AHCY: variants seen among roughly 807,000 people sequenced by gnomAD.
AHCY encodes S-adenosyl-L-homocysteine hydrolase.
In AHCY, 24 loss-of-function variants were observed where a neutral mutation model predicts 45.4. The observed-to-expected ratio is 0.53, with a 90% CI of 0.38 to 0.74. AHCY has a LOEUF of 0.74. Ranked by LOEUF, AHCY falls within the 30% of genes least tolerant of loss-of-function variation. AHCY has a pLI of 0.00. For missense variants in AHCY, 449 were observed against 594.1 expected, an observed-to-expected ratio of 0.76 and a Z score of 2.54; for synonymous variants, 245 against 235.1, an observed-to-expected ratio of 1.04 and a Z score of -0.39.
Position 34,285,482 on chromosome 20 carries a change from A to G in AHCY, c.1125T>C (p.His375=), listed in dbSNP as rs755147413. 6.2e-7 allele frequency: 1 copy of G among 1,614,070 alleles called. No homozygotes were observed. Among genetic ancestry groups the G allele is most frequent in the Admixed American group, 1.7e-5 (1 of 60,016 alleles). ...QVMAQIELWT[H]PDKYPVGVHF... ...GAACCCCAACGGGGTACTTGTCTGG[A>G]TGGGTCCACAGCTCGATCTGCGCCA... The change falls in exon 9 of 10, where the codon CAT becomes CAC. Residue 375 remains histidine (H), a synonymous_variant. Transcript: ENST00000217426.
the AHCY span, among the ~76,000 whole-genome samples, chr20:34,237,375 C>T: frequency 1.3e-5 from 2 of 152,172 alleles, no homozygotes; most frequent in Admixed American, 6.5e-5. Context: ...TCATTGTACA[C>T]ATCTTTCACC....
At chr20:34,257,076 TTTTTTTGTTTTTTG>T in the AHCY span, among the ~76,000 whole-genome samples, 6 of 151,108 alleles carry the variant, frequency 4.0e-5, no homozygotes, top group Non-Finnish European at 8.8e-5. Flanking sequence ...TTCTCTTTTT[TTTTTTTGTTTTTTG>T]TTTTTTGTTT....
the AHCY span, among the ~76,000 whole-genome samples, chr20:34,258,695 A>ATATATATATAT: frequency 2.6e-4 from 4 of 15,522 alleles, no homozygotes; most frequent in African/African-American, 4.2e-4. Context: ...ATATATACAT[A>ATATATATATAT]CTATATATAT....
In AHCY at chr20:34,303,226, C is replaced by A. The variant is rs202113068; in HGVS notation, c.28+17G>T. 134 of 1,551,328 alleles carry A rather than the reference C, an allele frequency of 8.6e-5. 2 individuals carry two copies. The East Asian group carries it at 2.5e-3, about 29-fold the overall frequency. The stretch of plus-strand genomic sequence containing the variant: ...GGTGCCGGGCGGCCGCAACCGGCTG[C>A]AGGTCCTGGGACTCACCGACTTTGT... On this transcript the variant is annotated intron_variant, in intron 1 of 9. Coordinates refer to ENST00000217426, the MANE Select transcript of AHCY (RefSeq NM_000687.4).
chr20:34,285,404 C>T (rs542200214), intron 9 of AHCY, 36 bp downstream of exon 9: 90 of 1,611,278 alleles, frequency 5.6e-5, no homozygotes, highest in Middle Eastern at 5.3e-4. Flanking sequence ...GGATTAGACA[C>T]GTGACCCTTG....
At chr20:34,235,650 A>G in the AHCY span, among the ~76,000 whole-genome samples, 1 of 151,690 alleles carries the variant, frequency 6.6e-6, no homozygotes, top group Admixed American at 6.6e-5. Flanking sequence ...TGGGCATGGT[A>G]GCGCATGCCT....
chr20:34,301,648 G>T, intron 1 of AHCY: 1 of 275,746 alleles, frequency 3.6e-6, no homozygotes, highest in Non-Finnish European at 5.5e-6. Context: ...CCCAAATCCA[G>T]CTTTATCTCC....
upstream of AHCY, among the ~76,000 whole-genome samples, chr20:34,306,099 GA>G (rs2036893670): frequency 8.3e-6 from 1 of 120,630 alleles, no homozygotes; most frequent in Non-Finnish European, 1.8e-5. Flanking sequence ...AAAAAAAAAA[GA>G]AAAAAAAAGA....
At chr20:34,258,685 A>ATATATATATATATATATATATATATATG in the AHCY span, among the ~76,000 whole-genome samples, 7 of 74,492 alleles carry the variant, frequency 9.4e-5, 1 homozygote, top group African/African-American at 6.1e-4. Context: ...ATATATATAT[A>ATATATATATATATATATATATATATATG]TATATACATA....
intron 9 of AHCY, among the ~76,000 whole-genome samples, chr20:34,283,327 C>T (rs73261430): frequency 5.0e-4 from 76 of 152,236 alleles, no homozygotes; most frequent in African/African-American, 1.8e-3. Context: ...CTGACTTTCC[C>T]CATTCGCAGG....
chr20:34,233,143 C>CTTTTTTTTTT, the AHCY span, among the ~76,000 whole-genome samples: 1 of 100,314 alleles, frequency 1.0e-5, no homozygotes, highest in African/African-American at 4.3e-5. Context: ...GGGACAAGAG[C>CTTTTTTTTTT]TTTTTTTTTT....
At chr20:34,240,567 C>T in the AHCY span, among the ~76,000 whole-genome samples, 1 of 152,264 alleles carries the variant, frequency 6.6e-6, no homozygotes, top group African/African-American at 2.4e-5. Flanking sequence ...AAAAAAAGGT[C>T]CCAAAGAGAT....
At chr20:34,299,543 A>G (rs1254720358) in intron 1 of AHCY, among the ~76,000 whole-genome samples, 1 of 152,132 alleles carries the variant, frequency 6.6e-6, no homozygotes, top group Non-Finnish European at 1.5e-5. Flanking sequence ...ATGGCTTTAC[A>G]TACCTTCTCT....
the AHCY span, among the ~76,000 whole-genome samples, chr20:34,257,496 T>C: frequency 6.6e-6 from 1 of 152,180 alleles, no homozygotes; most frequent in Non-Finnish European, 1.5e-5. Flanking sequence ...TTAAAAACAA[T>C]ATTGCTTTTG....
upstream of AHCY, among the ~76,000 whole-genome samples, chr20:34,304,369 G>A (rs141169009): frequency 3.9e-3 from 588 of 152,224 alleles, 3 homozygotes; most frequent in Non-Finnish European, 5.3e-3. Context: ...ATAAAATGAG[G>A]CAGTATTGGC....
chr20:34,309,511 A>G (rs898236484), intron 1 of AHCY, among the ~76,000 whole-genome samples: 2 of 152,174 alleles, frequency 1.3e-5, no homozygotes, highest in East Asian at 3.9e-4. Context: ...CTTAAAATAA[A>G]AAATTAGGCC....
chr20:34,256,592 C>T, the AHCY span, among the ~76,000 whole-genome samples: 1 of 152,156 alleles, frequency 6.6e-6, no homozygotes, highest in African/African-American at 2.4e-5. Flanking sequence ...CGTGAGCCAC[C>T]ATGCCTGGCC....
intron 9 of AHCY, among the ~76,000 whole-genome samples, chr20:34,282,085 C>T (rs35038733): frequency 6.6e-6 from 1 of 152,112 alleles, no homozygotes; most frequent in South Asian, 2.1e-4. Context: ...GAATTAGAGC[C>T]TAATCCCCAC....
the AHCY span, among the ~76,000 whole-genome samples, chr20:34,261,592 C>G: frequency 6.6e-6 from 1 of 152,056 alleles, no homozygotes; most frequent in South Asian, 2.1e-4. Context: ...CATGATTGTG[C>G]CACTGCACTC....
Sources: allele counts gnomAD v4.1 joint callset (sites outside exome capture counted in the v4.1 genomes callset), GRCh38; gene constraint gnomAD v4.1.1; transcripts MANE v1.5; gene names NCBI Gene and HGNC (gene_info 2026-07-23, HGNC 2026-07-21).